Variants in RGS6 observed in about 807,000 individuals in gnomAD.
RGS6 encodes regulator of G protein signaling 6.
Under a neutral mutation model 78.5 loss-of-function variants are expected in RGS6, and 30 were observed. That is an observed-to-expected ratio of 0.38 (90% confidence interval 0.29 to 0.52). The LOEUF is 0.52. Ranked by LOEUF, RGS6 falls within the 20% of genes least tolerant of loss-of-function variation. RGS6 has a pLI of 0.85. For synonymous variants in RGS6, 206 were observed against 206.0 expected (o/e 1.00, Z 0.00); for missense variants, 495 against 609.7 (o/e 0.81, Z 1.98).
At chr14:72,548,277 C>T (rs1567106473) in intron 17 of RGS6, among the ~76,000 whole-genome samples, 1 of 151,494 alleles carries the variant, frequency 6.6e-6, no homozygotes, top group Non-Finnish European at 1.5e-5. Flanking sequence ...AAGCATTTCC[C>T]GCAGCTGGGA....
In RGS6 at chr14:72,376,424, A is replaced by G. The variant is rs568151021; in HGVS notation, c.184+24230A>G. 3.3e-5 allele frequency among the ~76,000 whole-genome samples: 5 copies of G among 152,366 alleles called. No individual in the cohort carries two copies. The East Asian group carries it at 9.6e-4, about 29-fold the overall frequency. On this transcript the variant is annotated intron_variant, in intron 3 of 17. Coordinates refer to ENST00000553525, the MANE Select transcript of RGS6 (RefSeq NM_001204424.2). ...TGGAAGAAGAGAAGGGAAAAGGTGC[A>G]GAAAACATATTTAATGAAATAATAC... is the stretch of plus-strand genomic sequence containing the variant.
chr14:72,426,416 C>G (rs2099589486), intron 3 of RGS6, among the ~76,000 whole-genome samples: 1 of 152,192 alleles, frequency 6.6e-6, no homozygotes, highest in South Asian at 2.1e-4. Context: ...CGTTGTTGGC[C>G]TGCAAAGGTG....
At chr14:72,540,759 G>A (rs373889256) in intron 17 of RGS6, 1 of 985,352 alleles carries the variant, frequency 1.0e-6, no homozygotes, top group Non-Finnish European at 1.2e-6. Context: ...ACTCCCCGGG[G>A]GCAAGGTCCT....
intron 2 of RGS6, among the ~76,000 whole-genome samples, chr14:72,073,052 C>A (rs1221534592): frequency 6.6e-6 from 1 of 152,184 alleles, no homozygotes; most frequent in African/African-American, 2.4e-5. Context: ...TATGTGCGTG[C>A]CACATTCAGA....
intron 2 of RGS6, among the ~76,000 whole-genome samples, chr14:72,339,989 C>A (rs1162449512): frequency 6.6e-6 from 1 of 152,086 alleles, no homozygotes; most frequent in Non-Finnish European, 1.5e-5. Flanking sequence ...CTTTTTTAGA[C>A]TCATTTAAAA....
intron 3 of RGS6, among the ~76,000 whole-genome samples, chr14:72,393,383 C>A (rs1703794868): frequency 1.3e-5 from 2 of 152,170 alleles, no homozygotes; most frequent in African/African-American, 4.8e-5. Context: ...CCAAGCTGCC[C>A]AGAGATTTTT....
At chr14:72,354,375 C>G (rs551304436) in intron 3 of RGS6, among the ~76,000 whole-genome samples, 3 of 151,730 alleles carry the variant, frequency 2.0e-5, no homozygotes, top group African/African-American at 7.3e-5. Context: ...CCTATAATCC[C>G]AGCACTTTGG....
intron 3 of RGS6, among the ~76,000 whole-genome samples, chr14:72,403,485 A>G (rs2092657395): frequency 6.6e-6 from 1 of 152,188 alleles, no homozygotes; most frequent in South Asian, 2.1e-4. Flanking sequence ...GGTTGGTTCA[A>G]GGTTACAAAA....
chr14:71,937,250 A>G lies in RGS6; in HGVS notation c.-21+4309A>G, dbSNP rs142339288. 3.2e-3 allele frequency among the ~76,000 whole-genome samples: 492 copies of G among 152,272 alleles called. 2 individuals carry two copies. The highest frequency in any genetic ancestry group is 0.011 in the African/African-American group (468 of 41,570). On this transcript the variant is annotated intron_variant, in intron 1 of 17. Coordinates refer to ENST00000553525, the MANE Select transcript of RGS6 (RefSeq NM_001204424.2). ...CAATCTTAACTTCCAGTTTAATGGA[A>G]TCGTTGTGTTTCCTGGTGGCAGTGT...
chr14:71,960,874 T>C (rs897207374), intron 1 of RGS6, among the ~76,000 whole-genome samples: 3 of 152,080 alleles, frequency 2.0e-5, no homozygotes, highest in Admixed American at 1.3e-4. Context: ...CTCCTCCTAC[T>C]CTGTGCCATC....
intron 2 of RGS6, among the ~76,000 whole-genome samples, chr14:72,163,935 G>A (rs1300079444): frequency 6.6e-6 from 1 of 151,942 alleles, no homozygotes; most frequent in African/African-American, 2.4e-5. Context: ...CTGCTGTGAG[G>A]TTATGGAAGG....
rs373408961 is a variant in RGS6 at position 72,386,309 on chromosome 14, G to A, written c.184+34115G>A. On this transcript the variant is annotated intron_variant, in intron 3 of 17. Transcript: ENST00000553525. ...TCCTAGCAATTTGGGAGGCTGAGGCGGGCAGACTGCCAGAGCTCAGGAGTT... is the reference window on the plus strand; with the variant it reads ...TCCTAGCAATTTGGGAGGCTGAGGCAGGCAGACTGCCAGAGCTCAGGAGTT... 1.2e-4 allele frequency among the ~76,000 whole-genome samples: 19 copies of A among 152,214 alleles called. No individual in the cohort carries two copies. The South Asian group carries it at 2.1e-3, about 17-fold the overall frequency.
At position 72,562,730 on chromosome 14, in the gene RGS6, C is replaced by G. The variant is rs958447203; in HGVS notation, c.*263C>G. ...CTTTGTACAGTTGTATTCCAACACT[C>G]CACTCGCTAAGAGGCCCTGATCCCA... On this transcript the variant is annotated 3_prime_UTR_variant, in exon 18 of 18. Transcript: ENST00000553525. 3.0e-5 allele frequency: 46 copies of G among 1,536,022 alleles called. No homozygotes were observed. Among genetic ancestry groups the G allele is most frequent in the Admixed American group, 5.9e-5 (3 of 50,978 alleles).
At chr14:72,058,072 G>A (rs1045535985) in intron 2 of RGS6, among the ~76,000 whole-genome samples, 2 of 150,002 alleles carry the variant, frequency 1.3e-5, no homozygotes, top group South Asian at 4.2e-4. Flanking sequence ...CAGTTTATGA[G>A]GTGTTTTTTT....
In RGS6 at chr14:72,510,101, C is replaced by T. The variant is rs960143917; in HGVS notation, c.966-53C>T. ...TTGAGTCACTGAAGAGAATATGACA[C>T]GAGCTTTTCTCTGGTATTGATCTTC... On this transcript the variant is annotated intron_variant, in intron 13 of 17. Transcript: ENST00000553525. The T allele has an allele frequency of 3.0e-5, 45 of 1,524,258 alleles. No homozygotes were observed. In the Middle Eastern group the frequency reaches 7.1e-4, roughly 24 times the overall value. 94.4% of individuals were successfully genotyped at this position (1,524,258 alleles called of 1,614,324 possible).
At chr14:72,408,638 T>A (rs1428137258) in intron 3 of RGS6, among the ~76,000 whole-genome samples, 1 of 152,200 alleles carries the variant, frequency 6.6e-6, no homozygotes, top group Non-Finnish European at 1.5e-5. Flanking sequence ...ACCAAGAGTT[T>A]AGTTTCTTAG....
At chr14:72,441,594 A>G (rs1207342896) in intron 3 of RGS6, among the ~76,000 whole-genome samples, 1 of 152,214 alleles carries the variant, frequency 6.6e-6, no homozygotes, top group Non-Finnish European at 1.5e-5. Flanking sequence ...GCCAGGACAC[A>G]CAAGCCTTTG....
rs955595675 is a variant in RGS6, at chr14:72,397,792, A to G, written c.184+45598A>G. ...TTGAATTTTGTCAAAGGCCTTTTCT[A>G]CATCTTTTGAGATAATCATGTGGTT... On this transcript the variant is annotated intron_variant, in intron 3 of 17. Transcript: ENST00000553525. 5.9e-5 allele frequency among the ~76,000 whole-genome samples: 9 copies of G among 152,216 alleles called. No individual in the cohort carries two copies. In the East Asian group the frequency reaches 7.7e-4, roughly 13 times the overall value.
At chr14:72,334,264 A>G (rs2075618248) in intron 2 of RGS6, among the ~76,000 whole-genome samples, 1 of 152,174 alleles carries the variant, frequency 6.6e-6, no homozygotes, top group Non-Finnish European at 1.5e-5. Context: ...CCAAACCCCA[A>G]TTATCTGGAG....
Sources: allele counts gnomAD v4.1 joint callset (sites outside exome capture counted in the v4.1 genomes callset), GRCh38; gene constraint gnomAD v4.1.1; transcripts MANE v1.5; gene names NCBI Gene and HGNC (gene_info 2026-07-23, HGNC 2026-07-21).